The following ATP8A2 variants were observed in gnomAD, a reference collection of about 807,000 sequenced individuals.
ATP8A2 encodes the protein phospholipid-transporting ATPase IB.
Under a neutral mutation model 165.6 loss-of-function variants are expected in ATP8A2, and 100 were observed. That is an observed-to-expected ratio of 0.60 (90% CI 0.51 to 0.71). The LOEUF (loss-of-function observed/expected upper bound fraction) is 0.71. ATP8A2 is among the 30% of genes least tolerant of loss of function. ATP8A2 has a pLI of 0.00. For missense variants in ATP8A2, 1,227 were observed against 1,479.5 expected (o/e 0.83, Z 2.80); for synonymous variants, 543 against 548.8 (o/e 0.99, Z 0.15).
chr13:25,673,577 G>A (rs1282412636), intron 24 of ATP8A2, among the ~76,000 whole-genome samples: 1 of 152,152 alleles, frequency 6.6e-6, no homozygotes, highest in Non-Finnish European at 1.5e-5. Flanking sequence ...TTTACAAATT[G>A]GCATTTATTG....
At chr13:25,558,641 C>T (rs1480864600) in intron 13 of ATP8A2, among the ~76,000 whole-genome samples, 5 of 152,120 alleles carry the variant, frequency 3.3e-5, no homozygotes, top group African/African-American at 1.2e-4. Context: ...CTGTTAATTA[C>T]TCTCCCTCAC....
At chr13:25,629,066 C>G (rs2041173861) in intron 24 of ATP8A2, among the ~76,000 whole-genome samples, 1 of 152,150 alleles carries the variant, frequency 6.6e-6, no homozygotes, top group Non-Finnish European at 1.5e-5. Flanking sequence ...TGTAACTCTT[C>G]TGTCATGTTT....
chr13:25,712,573 T>A (rs1408507118), intron 25 of ATP8A2, among the ~76,000 whole-genome samples: 1 of 152,180 alleles, frequency 6.6e-6, no homozygotes, highest in Non-Finnish European at 1.5e-5. Flanking sequence ...AGCAGGGTAA[T>A]CCTGTGGATT....
At position 25,568,898 on chromosome 13, in the gene ATP8A2, C is replaced by T. The variant is rs143892921; in HGVS notation, c.1474-1869C>T. ...CTTCTCCCTAATTTATTATAGAATGCAATAGGAAGAAAACCAATGATAGGT... is the reference window on the plus strand; with the variant it reads ...CTTCTCCCTAATTTATTATAGAATGTAATAGGAAGAAAACCAATGATAGGT... On this transcript the variant is annotated intron_variant, in intron 16 of 36. Transcript: ENST00000381655. Among the ~76,000 whole-genome samples, 14 of 151,964 alleles carry T rather than the reference C, an allele frequency of 9.2e-5. 1 individual carries two copies. Among genetic ancestry groups the T allele is most frequent in the African/African-American group, 3.4e-4 (14 of 41,464 alleles).
intron 26 of ATP8A2, among the ~76,000 whole-genome samples, chr13:25,771,085 A>G (rs1352732032): frequency 6.6e-6 from 1 of 152,248 alleles, no homozygotes; most frequent in African/African-American, 2.4e-5. Flanking sequence ...CCTGGCTCTG[A>G]AAAGTGCATG....
intron 25 of ATP8A2, among the ~76,000 whole-genome samples, chr13:25,713,842 G>A (rs1282560757): frequency 2.0e-5 from 3 of 152,074 alleles, no homozygotes; most frequent in African/African-American, 7.2e-5. Flanking sequence ...GACAAGATCA[G>A]CACAGCCCAG....
chr13:25,900,830 A>C (rs1167253447), intron 33 of ATP8A2, among the ~76,000 whole-genome samples: 2 of 152,210 alleles, frequency 1.3e-5, no homozygotes, highest in Admixed American at 1.3e-4. Context: ...CTGTTGACTA[A>C]GATGGAAAAC....
intron 25 of ATP8A2, among the ~76,000 whole-genome samples, chr13:25,737,576 T>C (rs2138124324): frequency 6.6e-6 from 1 of 152,370 alleles, no homozygotes; most frequent in African/African-American, 2.4e-5. Flanking sequence ...CATGGCTCAC[T>C]GGAGCCTTGA....
At chr13:26,005,743 G>A (rs186075063) in intron 35 of ATP8A2, among the ~76,000 whole-genome samples, 2 of 152,022 alleles carry the variant, frequency 1.3e-5, no homozygotes, top group East Asian at 3.9e-4. Flanking sequence ...AAATCTAGTT[G>A]TCCCAGCACC....
chr13:25,585,126 A>G (rs1353217649), intron 23 of ATP8A2, among the ~76,000 whole-genome samples: 4 of 152,222 alleles, frequency 2.6e-5, no homozygotes, highest in Non-Finnish European at 5.9e-5. Flanking sequence ...ATGTAGATAG[A>G]CAATCATCTT....
At chr13:25,753,655 A>G (rs1296980559) in intron 25 of ATP8A2, among the ~76,000 whole-genome samples, 4 of 152,158 alleles carry the variant, frequency 2.6e-5, no homozygotes, top group South Asian at 2.1e-4. Flanking sequence ...TCTTAGCTCA[A>G]TGATGTCCTT....
At chr13:25,829,148 C>T (rs943859434) in intron 28 of ATP8A2, among the ~76,000 whole-genome samples, 1 of 152,144 alleles carries the variant, frequency 6.6e-6, no homozygotes, top group Admixed American at 6.5e-5. Flanking sequence ...GTAGTTTGCC[C>T]TGGCCCTGTG....
intron 15 of ATP8A2, 39 bp downstream of exon 15, chr13:25,559,804 A>T: frequency 1.4e-6 from 2 of 1,412,876 alleles, no homozygotes; most frequent in Non-Finnish European, 2.0e-6. Context: ...TTTAGTGGAA[A>T]AGCTTTTGGA....
intron 33 of ATP8A2, among the ~76,000 whole-genome samples, chr13:25,913,060 A>G (rs955949853): frequency 2.6e-5 from 4 of 152,206 alleles, no homozygotes; most frequent in South Asian, 2.1e-4. Flanking sequence ...TAAAAATAGC[A>G]ATTTTCTAAA....
chr13:25,542,226 A>G (rs914691763), intron 9 of ATP8A2, among the ~76,000 whole-genome samples, 180 bp downstream of exon 9: 2 of 152,192 alleles, frequency 1.3e-5, no homozygotes, highest in Admixed American at 1.3e-4. Context: ...CAAGGGCCTC[A>G]GATGAGGCTC....
intron 33 of ATP8A2, among the ~76,000 whole-genome samples, chr13:25,954,434 A>G (rs1376000345): frequency 6.6e-6 from 1 of 152,202 alleles, no homozygotes; most frequent in Non-Finnish European, 1.5e-5. Context: ...GCACAGCTTC[A>G]GCAGACTTAA....
chr13:26,008,182 T>G (rs1956781874), intron 35 of ATP8A2, among the ~76,000 whole-genome samples: 1 of 152,118 alleles, frequency 6.6e-6, no homozygotes, highest in African/African-American at 2.4e-5. Flanking sequence ...TAGAGAGTCC[T>G]TCTGTACTAA....
intron 24 of ATP8A2, among the ~76,000 whole-genome samples, chr13:25,644,929 T>A (rs906102556): frequency 6.6e-6 from 1 of 152,202 alleles, no homozygotes; most frequent in African/African-American, 2.4e-5. Flanking sequence ...TTTATTTATT[T>A]TGAGTCGTAT....
At chr13:25,600,509 T>C (rs61947466) in intron 24 of ATP8A2, among the ~76,000 whole-genome samples, 25,125 of 152,104 alleles carry the variant, frequency 0.17, 2,502 homozygotes, top group Non-Finnish European at 0.24. Flanking sequence ...ATTGGGAAAG[T>C]GGAAGGAGCG....
Sources: allele counts gnomAD v4.1 joint callset (sites outside exome capture counted in the v4.1 genomes callset), GRCh38; gene constraint gnomAD v4.1.1; transcripts MANE v1.5; gene names NCBI Gene and HGNC (gene_info 2026-07-23, HGNC 2026-07-21).